The following DENND4A variants were observed in gnomAD, a reference collection of about 807,000 sequenced individuals.
The protein encoded by DENND4A is C-myc promoter-binding protein.
Under a neutral mutation model 199.3 loss-of-function variants are expected in DENND4A, and 70 were observed. The observed-to-expected ratio is 0.35, with a 90% CI of 0.29 to 0.43. The LOEUF (loss-of-function observed/expected upper bound fraction) is 0.43. Among genes scored for constraint, DENND4A ranks in the 20% least tolerant of loss-of-function variants. The probability of loss-of-function intolerance (pLI) is 1.00; values close to 1 mark genes in which losing one functional copy is unlikely to be tolerated. For synonymous variants in DENND4A, 686 were observed against 766.9 expected (o/e 0.89, Z 1.74); for missense variants, 1,723 against 2,255.8 (o/e 0.76, Z 4.78).
intron 1 of DENND4A, among the ~76,000 whole-genome samples, chr15:65,785,982 C>G (rs2077557386): frequency 6.6e-6 from 1 of 152,120 alleles, no homozygotes; most frequent in Non-Finnish European, 1.5e-5. Context: ...ATAACCCTAA[C>G]TGCTGGCAAG....
chr15:65,721,315 T>C (rs781514864), intron 12 of DENND4A, among the ~76,000 whole-genome samples: 3 of 152,062 alleles, frequency 2.0e-5, no homozygotes, highest in South Asian at 2.1e-4. Context: ...TTTGGAATCA[T>C]CTACTTGTTA....
intron 25 of DENND4A, among the ~76,000 whole-genome samples, chr15:65,671,427 T>A (rs1443233332): frequency 3.3e-5 from 5 of 152,238 alleles, no homozygotes; most frequent in Non-Finnish European, 5.9e-5. Context: ...TCTTGCTCTG[T>A]CGCCCAGGCT....
chr15:65,789,204 TGAGACAGG>T (rs2077649397), intron 1 of DENND4A, among the ~76,000 whole-genome samples: 1 of 152,180 alleles, frequency 6.6e-6, no homozygotes, highest in Non-Finnish European at 1.5e-5. Context: ...TTTTGTTTTT[TGAGACAGG>T]GTCTTACTCT....
chr15:65,765,181 T>G (rs2140811009), intron 1 of DENND4A, among the ~76,000 whole-genome samples: 1 of 152,332 alleles, frequency 6.6e-6, no homozygotes, highest in East Asian at 1.9e-4. Context: ...TGGCATCACT[T>G]AAGTGTTTGC....
At chr15:65,682,354 C>A (rs2076608595) in intron 23 of DENND4A, among the ~76,000 whole-genome samples, 1 of 152,236 alleles carries the variant, frequency 6.6e-6, no homozygotes, top group East Asian at 1.9e-4. Context: ...CTTCATCCTG[C>A]ACTTTTATGT....
At chr15:65,748,039 C>CAAAAAAAAAAAAAAA (rs34813076) in intron 4 of DENND4A, among the ~76,000 whole-genome samples, 2 of 54,370 alleles carry the variant, frequency 3.7e-5, no homozygotes, top group African/African-American at 7.3e-5. Flanking sequence ...TACTCCGTCT[C>CAAAAAAAAAAAAAAA]AAAAAAAAAA....
chr15:65,706,296 G>T, intron 14 of DENND4A, 72 bp from the exon 15 acceptor site: 2 of 1,350,520 alleles, frequency 1.5e-6, no homozygotes, highest in Non-Finnish European at 1.9e-6. Flanking sequence ...AAGGGAAGTG[G>T]TTAAATAAAC....
chr15:65,748,968 G>C (rs1483175961), intron 4 of DENND4A, among the ~76,000 whole-genome samples: 6 of 150,466 alleles, frequency 4.0e-5, no homozygotes, highest in Non-Finnish European at 8.9e-5. Flanking sequence ...ACTCCAGCCT[G>C]GGCAACAGAA....
chr15:65,725,539 T>C (rs919861995), intron 11 of DENND4A, among the ~76,000 whole-genome samples: 5 of 152,058 alleles, frequency 3.3e-5, no homozygotes, highest in African/African-American at 1.2e-4. Context: ...TAGCCAGGTA[T>C]GGTGGCGGGC....
chr15:65,681,547 T>C lies in DENND4A; in HGVS notation c.4180-4913A>G, dbSNP rs1392915570. On this transcript the variant is annotated intron_variant, in intron 23 of 32. Coordinates refer to ENST00000443035, the MANE Select transcript of DENND4A (RefSeq NM_001320835.1). ...CTCCTTGACATTTCTTTTTTCATCA[T>C]TCAACTTGACTCCTTGACATTTCAT... is the stretch of plus-strand genomic sequence containing the variant. Among the ~76,000 whole-genome samples the C allele has an allele frequency of 2.0e-5, 3 of 151,852 alleles. No homozygotes were observed. In the East Asian group the frequency reaches 5.8e-4, roughly 29 times the overall value.
At chr15:65,744,185 G>A (rs2076327566) in intron 4 of DENND4A, among the ~76,000 whole-genome samples, 1 of 152,116 alleles carries the variant, frequency 6.6e-6, no homozygotes, top group Non-Finnish European at 1.5e-5. Flanking sequence ...AATCCTATCT[G>A]ATTATATGAA....
At chr15:65,749,023 A>C (rs915418129) in intron 4 of DENND4A, among the ~76,000 whole-genome samples, 19 of 151,796 alleles carry the variant, frequency 1.3e-4, no homozygotes, top group Admixed American at 4.6e-4. Context: ...GAAAAACCCA[A>C]TTGTTTCTTC....
At position 65,684,343 on chromosome 15, in the gene DENND4A, A is replaced by G. The variant is rs536375573; in HGVS notation, c.4179+6072T>C. On this transcript the variant is annotated intron_variant, in intron 23 of 32. Transcript: ENST00000443035. The stretch of plus-strand genomic sequence containing the variant: ...ATTTTACATTCCCAACCAAAAAAGT[A>G]TGAGGGTTCCCATTTCTCCACATCC... 3.9e-5 allele frequency among the ~76,000 whole-genome samples: 6 copies of G among 152,316 alleles called. No homozygotes were observed. In the South Asian group the frequency reaches 1.2e-3, roughly 32 times the overall value.
In DENND4A at chr15:65,715,555, T is replaced by G; in HGVS notation, c.1876A>C (p.Ile626Leu). 6.2e-7 allele frequency: 1 copy of G among 1,607,792 alleles called. No individual in the cohort carries two copies. Residue 626 changes from isoleucine (I) to leucine (L), a missense_variant, in exon 14 of 33, where the codon ATT becomes CTT. Ile to Leu is a conservative substitution (Grantham distance 5). Transcript: ENST00000443035. ...YNMMTKTQMF[I>L]RFIEECSFVS... is the part of the protein sequence containing the mutation. ...AAAGAACATTCTTCAATGAAGCGAA[T>G]AAACATTTGTGTTTTGGTCATCATG...
intron 8 of DENND4A, 86 bp from the exon 9 acceptor site, chr15:65,731,786 A>C (rs932886405): frequency 2.4e-5 from 22 of 928,528 alleles, no homozygotes; most frequent in African/African-American, 3.4e-5. Context: ...TAAAATAATG[A>C]TTATGCCCAT....
intron 1 of DENND4A, among the ~76,000 whole-genome samples, chr15:65,790,173 T>C (rs1458563851): frequency 6.6e-6 from 1 of 152,218 alleles, no homozygotes; most frequent in Non-Finnish European, 1.5e-5. Flanking sequence ...ACTATTCAAG[T>C]TACCAGAAAT....
intron 3 of DENND4A, among the ~76,000 whole-genome samples, chr15:65,755,529 G>A (rs1413023346): frequency 1.3e-5 from 2 of 152,126 alleles, no homozygotes; most frequent in African/African-American, 4.8e-5. Context: ...ACTTTGGGAG[G>A]CCAAGGCAGG....
chr15:65,780,509 A>C (rs1322171985), intron 1 of DENND4A, among the ~76,000 whole-genome samples: 1 of 152,142 alleles, frequency 6.6e-6, no homozygotes, highest in Non-Finnish European at 1.5e-5. Flanking sequence ...CAAATGTTGG[A>C]CCTCCTAGAA....
rs2075804154 is a variant in DENND4A at position 65,659,940 on chromosome 15, G to A, written c.*1911C>T. On this transcript the variant is annotated 3_prime_UTR_variant, in exon 33 of 33. Transcript: ENST00000443035. ...ACATTTTGTTTGTATTACACAAAAA[G>A]TAAACAACAATGAAAGCTGTTTTTA... 1 of 190,092 alleles carries A rather than the reference G, an allele frequency of 5.3e-6. No individual in the cohort carries two copies. Among genetic ancestry groups the A allele is most frequent in the Non-Finnish European group, 1.1e-5 (1 of 92,410 alleles). 11.8% of individuals were successfully genotyped at this position (190,092 alleles called of 1,614,324 possible). A position where few individuals can be genotyped will look rare whatever the true frequency, so the allele number is the denominator to read the frequency against.
Sources: gnomAD v4.1 joint callset for allele counts (sites outside exome capture counted in the v4.1 genomes callset) on GRCh38, gnomAD v4.1.1 for gene constraint, MANE v1.5 for transcripts, NCBI Gene and HGNC (gene_info 2026-07-23, HGNC 2026-07-21) for gene names.